The following SH3RF3 variants were observed in gnomAD, a reference collection of about 807,000 sequenced individuals.
The protein encoded by SH3RF3 is SH3 domain containing ring finger 3.
SH3RF3 carries 29 observed loss-of-function variants against 66.3 expected under a neutral mutation model. That is an observed-to-expected ratio of 0.44 (90% confidence interval 0.33 to 0.60). SH3RF3 has a LOEUF of 0.60. SH3RF3 is among the 20% of genes least tolerant of loss of function. The pLI, the probability that SH3RF3 is intolerant of heterozygous loss-of-function variation, is 0.04. For missense variants in SH3RF3, 1,194 were observed against 1,190.9 expected, an observed-to-expected ratio of 1.00 and a Z score of -0.04; for synonymous variants, 583 against 532.0, an observed-to-expected ratio of 1.10 and a Z score of -1.32.
chr2:109,464,477 T>A (rs532988305), intron 8 of SH3RF3, among the ~76,000 whole-genome samples: 4 of 152,330 alleles, frequency 2.6e-5, no homozygotes, highest in Non-Finnish European at 5.9e-5. Flanking sequence ...TGTAAACATC[T>A]GTACACATAT....
intron 1 of SH3RF3, among the ~76,000 whole-genome samples, chr2:109,230,878 C>T (rs1679490925): frequency 6.6e-6 from 1 of 152,196 alleles, no homozygotes; most frequent in Admixed American, 6.5e-5. Flanking sequence ...ATAGGACTCC[C>T]TTTGGGGGCT....
chr2:109,259,121 G>A (rs1012765923), intron 1 of SH3RF3, among the ~76,000 whole-genome samples: 1 of 152,254 alleles, frequency 6.6e-6, no homozygotes, highest in Non-Finnish European at 1.5e-5. Flanking sequence ...CAGATCACAT[G>A]TAATAGCTGC....
chr2:109,137,700 A>G (rs778227412), intron 1 of SH3RF3, among the ~76,000 whole-genome samples: 1 of 152,254 alleles, frequency 6.6e-6, no homozygotes, highest in African/African-American at 2.4e-5. Flanking sequence ...AGGCTTAGGC[A>G]CATTTCAGTA....
intron 1 of SH3RF3, among the ~76,000 whole-genome samples, chr2:109,203,794 T>C (rs1339210085): frequency 2.0e-5 from 3 of 150,304 alleles, no homozygotes; most frequent in African/African-American, 7.4e-5. Context: ...ATTCCTGCCC[T>C]TTGTCTCATG....
At position 109,130,111 on chromosome 2, in the gene SH3RF3, A is replaced by C. The variant is rs1676653315; in HGVS notation, c.571A>C (p.Lys191Gln). Residue 191 changes from lysine to glutamine, a missense_variant and splice_region_variant, in exon 1 of 10, where the codon AAG (lysine) becomes CAG (glutamine). Lys to Gln is a moderately conservative substitution (Grantham distance 53). Coordinates refer to ENST00000309415, the MANE Select transcript of SH3RF3 (RefSeq NM_001099289.3). ...GACCAGCAGGACCGCGCCGGCGGCA[A>C]AGGTGAGTATCTGTCTCGGCGGAAG... is the stretch of plus-strand genomic sequence containing the variant. Reference protein sequence around the residue: ...LATSRTAPAAKNPCLLPYGKA... With the variant: ...LATSRTAPAAQNPCLLPYGKA... 3 of 1,320,874 alleles carry C rather than the reference A, an allele frequency of 2.3e-6. No homozygotes were observed. Among genetic ancestry groups the C allele is most frequent in the Non-Finnish European group, 2.9e-6 (3 of 1,039,394 alleles). 81.8% of individuals were successfully genotyped at this position (1,320,874 alleles called of 1,614,324 possible). A position where few individuals can be genotyped will look rare whatever the true frequency, so the allele number is the denominator to read the frequency against.
At chr2:109,339,106 G>A (rs1226904558) in intron 1 of SH3RF3, among the ~76,000 whole-genome samples, 3 of 152,142 alleles carry the variant, frequency 2.0e-5, no homozygotes, top group African/African-American at 7.2e-5. Context: ...ACGTTGTGTG[G>A]GCTGAACAGG....
At chr2:109,281,107 G>A (rs1364031568) in intron 1 of SH3RF3, among the ~76,000 whole-genome samples, 1 of 152,212 alleles carries the variant, frequency 6.6e-6, no homozygotes, top group Non-Finnish European at 1.5e-5. Context: ...CACACCCTGA[G>A]AGACAGGAAT....
At chr2:109,327,713 G>A (rs1313087340) in intron 1 of SH3RF3, among the ~76,000 whole-genome samples, 1 of 152,272 alleles carries the variant, frequency 6.6e-6, no homozygotes, top group East Asian at 1.9e-4. Context: ...TTTCTACCTA[G>A]TACCACTTAA....
chr2:109,182,236 C>T (rs1005817734), intron 1 of SH3RF3, among the ~76,000 whole-genome samples: 4 of 152,176 alleles, frequency 2.6e-5, no homozygotes, highest in African/African-American at 9.7e-5. Flanking sequence ...ATGGCGCTGG[C>T]ATTTGGTGAG....
At chr2:109,166,772 C>T (rs1677637041) in intron 1 of SH3RF3, among the ~76,000 whole-genome samples, 2 of 152,226 alleles carry the variant, frequency 1.3e-5, no homozygotes, top group Non-Finnish European at 2.9e-5. Flanking sequence ...CATCTAGCTT[C>T]AGTTTTCAAC....
intron 1 of SH3RF3, among the ~76,000 whole-genome samples, chr2:109,170,820 GT>G (rs1677763772): frequency 2.0e-5 from 3 of 152,212 alleles, no homozygotes; most frequent in Non-Finnish European, 4.4e-5. Context: ...ACAGGGCATA[GT>G]TTACCTGTGA....
At chr2:109,392,005 T>C (rs1167437600) in intron 3 of SH3RF3, among the ~76,000 whole-genome samples, 3 of 152,044 alleles carry the variant, frequency 2.0e-5, no homozygotes, top group African/African-American at 7.2e-5. Context: ...TTACAGAGAC[T>C]GGGTCTCACT....
intron 1 of SH3RF3, among the ~76,000 whole-genome samples, chr2:109,134,326 A>T (rs35809619): frequency 7.9e-5 from 12 of 152,058 alleles, no homozygotes; most frequent in Admixed American, 2.6e-4. Context: ...TAAGGACTCC[A>T]GAGGAAAAGG....
intron 1 of SH3RF3, among the ~76,000 whole-genome samples, chr2:109,256,224 C>G (rs991797481): frequency 3.9e-5 from 6 of 152,204 alleles, no homozygotes; most frequent in Admixed American, 2.6e-4. Context: ...GAAGACCCCA[C>G]AGTTGGAGAG....
chr2:109,384,320 A>G (rs560658261), intron 3 of SH3RF3, among the ~76,000 whole-genome samples: 116 of 152,332 alleles, frequency 7.6e-4, no homozygotes, highest in African/African-American at 2.5e-3. Context: ...CCGTGGAGAA[A>G]GTAACACCAG....
chr2:109,238,634 T>G (rs563732713), intron 1 of SH3RF3, among the ~76,000 whole-genome samples: 2 of 152,224 alleles, frequency 1.3e-5, no homozygotes, highest in Admixed American at 1.3e-4. Flanking sequence ...GTTTCAGAGT[T>G]TCTTAAACCC....
chr2:109,274,351 T>A (rs1384227705), intron 1 of SH3RF3, among the ~76,000 whole-genome samples: 2 of 152,208 alleles, frequency 1.3e-5, no homozygotes, highest in Non-Finnish European at 2.9e-5. Context: ...AGCAGCCCTA[T>A]TTACACAGTA....
At chr2:109,371,027 C>T (rs1264494364) in intron 2 of SH3RF3, among the ~76,000 whole-genome samples, 1 of 152,154 alleles carries the variant, frequency 6.6e-6, no homozygotes, top group East Asian at 1.9e-4. Flanking sequence ...CATTTTAAAG[C>T]CCTAACTCTG....
At chr2:109,363,535 A>G (rs1683095401) in intron 2 of SH3RF3, among the ~76,000 whole-genome samples, 1 of 152,188 alleles carries the variant, frequency 6.6e-6, no homozygotes, top group Admixed American at 6.5e-5. Context: ...TTTTAAGTTT[A>G]CTGCCATTCC....
Sources: allele counts gnomAD v4.1 joint callset (sites outside exome capture counted in the v4.1 genomes callset), GRCh38; gene constraint gnomAD v4.1.1; transcripts MANE v1.5; gene names NCBI Gene and HGNC (gene_info 2026-07-23, HGNC 2026-07-21).